Variants in KLKB1 observed in about 807,000 individuals in gnomAD.
KLKB1 encodes the protein plasma kallikrein.
In KLKB1, 58 loss-of-function variants were observed where a neutral mutation model predicts 73.6. The observed-to-expected ratio is 0.79, with a 90% CI of 0.64 to 0.98. The LOEUF (loss-of-function observed/expected upper bound fraction) is 0.98, where lower values mean the gene tolerates loss of function less well. Among genes scored for constraint, KLKB1 ranks in the 50% least tolerant of loss-of-function variants. The probability of loss-of-function intolerance (pLI) is 0.00; values close to 1 mark genes in which losing one functional copy is unlikely to be tolerated. For missense variants in KLKB1, 737 were observed against 763.8 expected (o/e 0.96, Z 0.41); for synonymous variants, 280 against 258.1 (o/e 1.08, Z -0.81).
At chr4:186,240,742 C>A (rs1464174958) in intron 6 of KLKB1, among the ~76,000 whole-genome samples, 2 of 152,176 alleles carry the variant, frequency 1.3e-5, no homozygotes, top group African/African-American at 2.4e-5. Context: ...AGCACACCTT[C>A]TCCATGGTGT....
chr4:186,238,107 G>A (rs1431568011), intron 5 of KLKB1, 149 bp from the exon 6 acceptor site: 9 of 675,470 alleles, frequency 1.3e-5, no homozygotes, highest in Non-Finnish European at 2.2e-5. Flanking sequence ...GGGGAAGGAT[G>A]TCCATTAGGT....
rs749906170 is a variant in KLKB1 at position 186,250,298 on chromosome 4, G to T, written c.654G>T (p.Arg218Ser). Reference protein sequence around the residue: ...HLAFSDVDVARVLTPDAFVCR... With the variant: ...HLAFSDVDVASVLTPDAFVCR... The stretch of plus-strand genomic sequence containing the variant: ...CGTTCTCAGATGTGGATGTTGCCAG[G>T]GTTCTCACTCCAGATGCTTTTGTGT... The change falls in exon 7 of 15, where the codon AGG becomes AGT. Residue 218 changes from arginine to serine, a missense_variant. Arg to Ser is a moderately radical substitution (Grantham distance 110). Coordinates refer to ENST00000264690, the MANE Select transcript of KLKB1 (RefSeq NM_000892.5). 1 of 1,613,954 alleles carries T rather than the reference G, an allele frequency of 6.2e-7. No homozygotes were observed. The highest frequency in any genetic ancestry group is 8.5e-7 in the Non-Finnish European group (1 of 1,179,996).
At chr4:186,249,925 G>A (rs1004929185) in intron 6 of KLKB1, among the ~76,000 whole-genome samples, 2 of 152,140 alleles carry the variant, frequency 1.3e-5, no homozygotes, top group East Asian at 1.9e-4. Context: ...CATTCCTAAG[G>A]CCTCAGAGTC....
At chr4:186,246,243 G>C (rs996778501) in intron 6 of KLKB1, among the ~76,000 whole-genome samples, 1 of 151,792 alleles carries the variant, frequency 6.6e-6, no homozygotes, top group Non-Finnish European at 1.5e-5. Context: ...GGAGGGGAGA[G>C]GTCAGATGGG....
intron 2 of KLKB1, among the ~76,000 whole-genome samples, chr4:186,220,009 T>G (rs1246374553): frequency 6.6e-6 from 1 of 152,106 alleles, no homozygotes; most frequent in Non-Finnish European, 1.5e-5. Context: ...TCTCAAAGTG[T>G]CCAGGTGGCA....
In KLKB1 at chr4:186,254,725, T is replaced by C. The variant is rs939043683; in HGVS notation, c.1451T>C (p.Ile484Thr). 7 of 1,613,828 alleles carry C rather than the reference T, an allele frequency of 4.3e-6. No homozygotes were observed. In the Admixed American group the frequency reaches 8.3e-5, roughly 19 times the overall value. The change falls in exon 12 of 15, where the codon ATC (isoleucine) becomes ACC (threonine). Residue 484 changes from isoleucine (I) to threonine (T), a missense_variant. Coordinates refer to ENST00000264690, the MANE Select transcript of KLKB1 (RefSeq NM_000892.5). ...NYKVSEGNHDIALIKLQAPLN... is the reference protein window; with the variant it reads ...NYKVSEGNHDTALIKLQAPLN... ...AAAGTCTCAGAAGGGAATCATGATA[T>C]CGCCTTGATAAAACTCCAGGCTCCT...
upstream of KLKB1, among the ~76,000 whole-genome samples, chr4:186,226,878 G>A (rs908513955): frequency 6.6e-6 from 1 of 152,102 alleles, no homozygotes; most frequent in Non-Finnish European, 1.5e-5. Flanking sequence ...TAGAGTCTTG[G>A]GGGCCAGGCT....
At chr4:186,257,452 A>C in intron 14 of KLKB1, 87 bp downstream of exon 14, 1 of 1,239,914 alleles carries the variant, frequency 8.1e-7, no homozygotes, top group Non-Finnish European at 1.1e-6. Context: ...ATTCAATCAT[A>C]GTTTTTAAAA....
chr4:186,244,118 G>C (rs1179564578), intron 6 of KLKB1, among the ~76,000 whole-genome samples: 2 of 152,154 alleles, frequency 1.3e-5, no homozygotes, highest in Non-Finnish European at 2.9e-5. Context: ...TGTGTGTAAT[G>C]AAAAGGGTTG....
rs1739085959 is a variant in KLKB1 at position 186,257,751 on chromosome 4, G to A, written c.1726-270G>A. Reference sequence around the variant, plus strand: ...GAACTTTAAGAAAGAGTGAGTGTGTGTGTGTGTGTGTGTGTGTGTGTGTGT... The same window carrying A: ...GAACTTTAAGAAAGAGTGAGTGTGTATGTGTGTGTGTGTGTGTGTGTGTGT... On this transcript the variant is annotated intron_variant, in intron 14 of 14. Coordinates refer to ENST00000264690, the MANE Select transcript of KLKB1 (RefSeq NM_000892.5). Among the ~76,000 whole-genome samples, 3 of 111,092 alleles carry A rather than the reference G, an allele frequency of 2.7e-5. No homozygotes were observed. The Admixed American group carries it at 2.7e-4, about 10-fold the overall frequency. The allele number at this position is 111,092 out of a possible 152,430, so 72.9% of individuals were successfully genotyped here.
upstream of KLKB1, among the ~76,000 whole-genome samples, chr4:186,223,929 G>A (rs1737086350): frequency 6.6e-6 from 1 of 152,186 alleles, no homozygotes; most frequent in Non-Finnish European, 1.5e-5. Context: ...GCCTAGGAGG[G>A]AAAAATGGTT....
chr4:186,246,543 G>A (rs931557640), intron 6 of KLKB1, among the ~76,000 whole-genome samples: 1 of 152,246 alleles, frequency 6.6e-6, no homozygotes, highest in Admixed American at 6.5e-5. Flanking sequence ...TTGTATTGGG[G>A]TTAAGCAGCA....
chr4:186,225,078 C>T (rs928945955), upstream of KLKB1, among the ~76,000 whole-genome samples: 1 of 152,184 alleles, frequency 6.6e-6, no homozygotes, highest in Non-Finnish European at 1.5e-5. Context: ...TATAAGTTTC[C>T]TGAGGCCTCC....
chr4:186,224,775 A>G (rs546190522), upstream of KLKB1, among the ~76,000 whole-genome samples: 152 of 152,286 alleles, frequency 1.0e-3, 1 homozygote, highest in Non-Finnish European at 1.9e-3. Context: ...GAAAGACATC[A>G]TTGGTTTTGA....
At chr4:186,213,781 A>T (rs1736807964) in intron 2 of KLKB1, among the ~76,000 whole-genome samples, 1 of 152,164 alleles carries the variant, frequency 6.6e-6, no homozygotes, top group Non-Finnish European at 1.5e-5. Flanking sequence ...GGTCGTAAAA[A>T]TCCATTTTTA....
At chr4:186,232,469 G>A (rs987463984) in intron 3 of KLKB1, among the ~76,000 whole-genome samples, 180 bp downstream of exon 3, 3 of 152,178 alleles carry the variant, frequency 2.0e-5, no homozygotes, top group South Asian at 2.1e-4. Context: ...CAGATCTGCT[G>A]AACCAAAGTT....
intron 2 of KLKB1, among the ~76,000 whole-genome samples, chr4:186,219,412 A>T (rs1736983299): frequency 6.6e-6 from 1 of 152,218 alleles, no homozygotes; most frequent in Non-Finnish European, 1.5e-5. Context: ...TCCTTCGTAC[A>T]ACCAGAAGTG....
intron 6 of KLKB1, among the ~76,000 whole-genome samples, chr4:186,240,737 A>G (rs754994333): frequency 6.6e-6 from 1 of 152,108 alleles, no homozygotes; most frequent in African/African-American, 2.4e-5. Context: ...GCGACAGCAC[A>G]CCTTCTCCAT....
chr4:186,233,206 C>A (rs553305663), intron 3 of KLKB1, among the ~76,000 whole-genome samples: 21 of 152,206 alleles, frequency 1.4e-4, no homozygotes, highest in African/African-American at 3.1e-4. Flanking sequence ...AGCCACCGCA[C>A]CCAGCGGTAA....
Sources: allele counts gnomAD v4.1 joint callset (sites outside exome capture counted in the v4.1 genomes callset), GRCh38; gene constraint gnomAD v4.1.1; transcripts MANE v1.5; gene names NCBI Gene and HGNC (gene_info 2026-07-23, HGNC 2026-07-21).